SERF2: variants seen among roughly 807,000 people sequenced by gnomAD.
SERF2 encodes the protein gastric cancer-related protein VRG107.
Under a neutral mutation model 10.7 loss-of-function variants are expected in SERF2, and 4 were observed. That is an observed-to-expected ratio of 0.37 (90% CI 0.18 to 0.86). The LOEUF is 0.86. Ranked by LOEUF, SERF2 falls within the 40% of genes least tolerant of loss-of-function variation. The pLI is 0.43. For synonymous variants in SERF2, 26 were observed against 26.0 expected (o/e 1.00, Z 0.01); for missense variants, 47 against 79.1 (o/e 0.59, Z 1.54).
rs1567169589 is a variant in SERF2, at chr15:43,794,803, G to C, written c.*1030G>C. 1.8e-6 allele frequency: 1 copy of C among 555,426 alleles called. No homozygotes were observed. Among genetic ancestry groups the C allele is most frequent in the Non-Finnish European group, 3.2e-6 (1 of 312,428 alleles). 34.4% of individuals were successfully genotyped at this position (555,426 alleles called of 1,614,324 possible). A position where few individuals can be genotyped will look rare whatever the true frequency, so the allele number is the denominator to read the frequency against. Reference sequence around the variant, plus strand: ...CTTGAGCTGGGATGCAGATGTAACAGTAGCTCCAGTGAGTCAGACACTCTG... The same window carrying C: ...CTTGAGCTGGGATGCAGATGTAACACTAGCTCCAGTGAGTCAGACACTCTG... On this transcript the variant is annotated 3_prime_UTR_variant, in exon 3 of 3. Coordinates refer to ENST00000249786, the MANE Select transcript of SERF2 (RefSeq NM_001018108.4).
intron 1 of SERF2, among the ~76,000 whole-genome samples, chr15:43,782,628 A>ATTAT (rs1375779156): frequency 6.6e-6 from 1 of 152,076 alleles, no homozygotes; most frequent in Non-Finnish European, 1.5e-5. Flanking sequence ...CTGCAAAGCT[A>ATTAT]TTATCCTGGG....
Position 43,783,927 on chromosome 15 carries a change from A to ATTTTTTT in SERF2, c.-526-1460_-526-1454dup, listed in dbSNP as rs71111825. Reference sequence around the variant, plus strand: ...CAAGCGGGTGCCACCACGCCCAGCTATTTTTTTTTTTTTTTTTTTTTTTTT... The same window carrying ATTTTTTT: ...CAAGCGGGTGCCACCACGCCCAGCTATTTTTTTTTTTTTTTTTTTTTTTTTTTTTTTT... On this transcript the variant is annotated intron_variant, in intron 1 of 4. Coordinates refer to the SERF2 transcript ENST00000381359. 1.9e-3 allele frequency among the ~76,000 whole-genome samples: 92 copies of ATTTTTTT among 48,144 alleles called. 2 individuals are homozygous for ATTTTTTT. The highest frequency in any genetic ancestry group is 0.025 in the Middle Eastern group (1 of 40). 31.6% of individuals were successfully genotyped at this position (48,144 alleles called of 152,430 possible).
At chr15:43,793,554 T>C in intron 2 of SERF2, 156 bp from the exon 3 acceptor site, 1 of 1,507,630 alleles carries the variant, frequency 6.6e-7, no homozygotes. Context: ...GAGCCTCAGC[T>C]CTCTTCCTCT....
chr15:43,792,810 C>G, intron 1 of SERF2, 165 bp from the exon 2 acceptor site: 3 of 673,664 alleles, frequency 4.5e-6, no homozygotes, highest in Non-Finnish European at 7.4e-6. Context: ...GTGGCAGATT[C>G]GCCACTCCCC....
chr15:43,781,093 C>T (rs1596031913), intron 1 of SERF2, among the ~76,000 whole-genome samples: 1 of 152,128 alleles, frequency 6.6e-6, no homozygotes, highest in Non-Finnish European at 1.5e-5. Context: ...TGCATATAAA[C>T]ACTGTGATAC....
At chr15:43,790,760 CTGTT>C (rs957912698), upstream of SERF2, among the ~76,000 whole-genome samples, 7 of 146,076 alleles carry the variant, frequency 4.8e-5, no homozygotes, top group Non-Finnish European at 9.0e-5. Flanking sequence ...CTCTTATTAA[CTGTT>C]TATTTATTAT....
Position 43,793,839 on chromosome 15 carries a change from T to C in SERF2, c.*66T>C. ...GTGCCTGGAGCCAGTCCCACCACGC[T>C]CGCGTTTCCTCCTGTAGTGCTCACA... is the stretch of plus-strand genomic sequence containing the variant. On this transcript the variant is annotated 3_prime_UTR_variant, in exon 3 of 3. Coordinates refer to ENST00000249786, the MANE Select transcript of SERF2 (RefSeq NM_001018108.4). The C allele has an allele frequency of 6.2e-7, 1 of 1,614,004 alleles. No individual in the cohort carries two copies. The highest frequency in any genetic ancestry group is 8.5e-7 in the Non-Finnish European group (1 of 1,179,948).
rs1299925149 is a variant in SERF2 at position 43,795,971 on chromosome 15, T to G, written c.*2198T>G. ...AAATACCTACCTCACAGGGTTGTTG[T>G]GAGGGTTAAATTAAATGAGATTATG... On this transcript the variant is annotated 3_prime_UTR_variant, in exon 3 of 3. Coordinates refer to ENST00000249786, the MANE Select transcript of SERF2 (RefSeq NM_001018108.4). The G allele has an allele frequency of 4.7e-6, 3 of 644,606 alleles. No homozygotes were observed. Among genetic ancestry groups the G allele is most frequent in the Non-Finnish European group, 8.2e-6 (3 of 364,198 alleles). 39.9% of individuals were successfully genotyped at this position (644,606 alleles called of 1,614,324 possible).
upstream of SERF2, among the ~76,000 whole-genome samples, chr15:43,788,510 C>A (rs566086428): frequency 6.6e-6 from 1 of 152,130 alleles, no homozygotes; most frequent in Non-Finnish European, 1.5e-5. Context: ...GAGACAGGGT[C>A]TCATTCTGTC....
chr15:43,777,183 G>A (rs749692353), exon 1 of SERF2: 11 of 614,568 alleles, frequency 1.8e-5, no homozygotes, highest in Admixed American at 6.4e-5. Flanking sequence ...CCCAGTTCTC[G>A]GGAGAAAGAG....
intron 1 of SERF2, among the ~76,000 whole-genome samples, chr15:43,783,795 T>C (rs2141669495): frequency 6.6e-6 from 1 of 151,494 alleles, no homozygotes; most frequent in East Asian, 1.9e-4. Flanking sequence ...GGAATCTTCC[T>C]CTGTCGTCCA....
At chr15:43,782,457 C>A (rs2086972144) in intron 1 of SERF2, among the ~76,000 whole-genome samples, 1 of 152,090 alleles carries the variant, frequency 6.6e-6, no homozygotes, top group Non-Finnish European at 1.5e-5. Flanking sequence ...ATTACCAATT[C>A]ATTCTCATAC....
At chr15:43,778,455 C>G (rs1036142518) in intron 1 of SERF2, among the ~76,000 whole-genome samples, 1 of 151,218 alleles carries the variant, frequency 6.6e-6, no homozygotes, top group East Asian at 1.9e-4. Context: ...GCAGGAGGAT[C>G]GCTTGAATCC....
upstream of SERF2, chr15:43,792,096 G>T: frequency 1.9e-6 from 1 of 522,292 alleles, no homozygotes; most frequent in African/African-American, 1.9e-5. Flanking sequence ...CTGCCCACGT[G>T]ACCCGGCCTA....
Position 43,795,420 on chromosome 15 carries a change from G to C in SERF2, c.*1647G>C, listed in dbSNP as rs1210921350. On this transcript the variant is annotated 3_prime_UTR_variant, in exon 3 of 3. Transcript: ENST00000249786. ...AGTTGGTAAGGGTAACCATGACATA[G>C]AGTGAGGCAAGGAAGAAGACGAAGT... 6.2e-7 allele frequency: 1 copy of C among 1,614,144 alleles called. No individual in the cohort carries two copies. Among genetic ancestry groups the C allele is most frequent in the Non-Finnish European group, 8.5e-7 (1 of 1,180,026 alleles).
rs1262293031 is a variant in SERF2 at position 43,794,345 on chromosome 15, T to C, written c.*572T>C. On this transcript the variant is annotated 3_prime_UTR_variant, in exon 3 of 3. Transcript: ENST00000249786. ...AGAGTGAATGCTGCAAGATCTGTGTTTATGCCTCTTTTCCTCATTCTTCCT... is the reference window on the plus strand; with the variant it reads ...AGAGTGAATGCTGCAAGATCTGTGTCTATGCCTCTTTTCCTCATTCTTCCT... 5.2e-6 allele frequency: 1 copy of C among 192,768 alleles called. No individual in the cohort carries two copies. The highest frequency in any genetic ancestry group is 1.1e-5 in the Non-Finnish European group (1 of 94,104). 11.9% of individuals were successfully genotyped at this position (192,768 alleles called of 1,614,324 possible). A position where few individuals can be genotyped will look rare whatever the true frequency, so the allele number is the denominator to read the frequency against.
chr15:43,788,740 C>A (rs2087027865), upstream of SERF2, among the ~76,000 whole-genome samples: 1 of 152,202 alleles, frequency 6.6e-6, no homozygotes, highest in Non-Finnish European at 1.5e-5. Flanking sequence ...TCAGCTCCAC[C>A]CCTTATTATC....
chr15:43,787,627 A>G (rs2087018705), upstream of SERF2, among the ~76,000 whole-genome samples: 1 of 150,194 alleles, frequency 6.7e-6, no homozygotes, highest in Admixed American at 6.6e-5. Context: ...TGAACCCCTG[A>G]CCTCAGGTGG....
exon 1 of SERF2, chr15:43,777,189 A>G: frequency 1.7e-6 from 1 of 601,182 alleles, no homozygotes; most frequent in South Asian, 1.5e-5. Flanking sequence ...TCTCGGGAGA[A>G]AGAGTCCGCG....
Sources: gnomAD v4.1 joint callset for allele counts (sites outside exome capture counted in the v4.1 genomes callset) on GRCh38, gnomAD v4.1.1 for gene constraint, MANE v1.5 for transcripts, NCBI Gene and HGNC (gene_info 2026-07-23, HGNC 2026-07-21) for gene names.